The following SERINC5 variants were observed in gnomAD, a reference collection of about 807,000 sequenced individuals.
The protein encoded by SERINC5 is serine incorporator 5.
In SERINC5, 41 loss-of-function variants were observed where a neutral mutation model predicts 63.1. The observed-to-expected ratio is 0.65, with a 90% CI of 0.51 to 0.84. SERINC5 has a LOEUF of 0.84. SERINC5 is among the 40% of genes least tolerant of loss of function. SERINC5 has a pLI of 0.00. For synonymous variants in SERINC5, 222 were observed against 215.2 expected (o/e 1.03, Z -0.28); for missense variants, 523 against 573.0 (o/e 0.91, Z 0.89).
At chr5:80,172,151 G>A (rs942558751) in intron 5 of SERINC5, among the ~76,000 whole-genome samples, 6 of 152,108 alleles carry the variant, frequency 3.9e-5, no homozygotes, top group South Asian at 2.1e-4. Flanking sequence ...CCAACATGGC[G>A]AAACCCCATC....
intron 2 of SERINC5, among the ~76,000 whole-genome samples, chr5:80,197,363 G>GAGAGAGAA (rs1334177029): frequency 1.3e-5 from 1 of 75,384 alleles, no homozygotes; most frequent in Non-Finnish European, 2.8e-5. Flanking sequence ...GAGAGAGAGA[G>GAGAGAGAA]AACGGACCAG....
chr5:80,115,351 A>C (rs1210810986), intron 11 of SERINC5, among the ~76,000 whole-genome samples: 3 of 151,794 alleles, frequency 2.0e-5, no homozygotes, highest in Non-Finnish European at 4.4e-5. Flanking sequence ...TTGTCTCTCC[A>C]ATGACCTTAG....
At chr5:80,144,670 A>C (rs149668581) in intron 11 of SERINC5, among the ~76,000 whole-genome samples, 2 of 151,206 alleles carry the variant, frequency 1.3e-5, no homozygotes, top group African/African-American at 2.4e-5. Context: ...TGAAACCACC[A>C]CTCCCACCAC....
downstream of SERINC5, among the ~76,000 whole-genome samples, chr5:80,135,341 G>A (rs571932661): frequency 2.0e-5 from 3 of 152,202 alleles, no homozygotes; most frequent in African/African-American, 4.8e-5. Flanking sequence ...GCCCAATCAC[G>A]CTTTTTCAAA....
At chr5:80,251,255 G>A (rs1284269706) in intron 1 of SERINC5, among the ~76,000 whole-genome samples, 3 of 151,466 alleles carry the variant, frequency 2.0e-5, no homozygotes, top group African/African-American at 7.3e-5. Flanking sequence ...ATCCAGCCTG[G>A]GCAAGAGCTA....
chr5:80,188,282 CAAAAAAAAAAAAA>C (rs34863168), intron 2 of SERINC5, among the ~76,000 whole-genome samples: 4 of 82,790 alleles, frequency 4.8e-5, no homozygotes, highest in South Asian at 4.2e-4. Context: ...GACTCCGTCT[CAAAAAAAAAAAAA>C]AAAAAAAAAA....
chr5:80,172,053 AG>A (rs1182304860), intron 5 of SERINC5, among the ~76,000 whole-genome samples: 2 of 152,328 alleles, frequency 1.3e-5, no homozygotes, highest in Non-Finnish European at 2.9e-5. Context: ...AAAATAAATT[AG>A]GGCATGGTGG....
Position 80,203,022 on chromosome 5 carries a change from G to C in SERINC5, c.59C>G (p.Ser20Cys), listed in dbSNP as rs780936450. 8 of 1,612,082 alleles carry C rather than the reference G, an allele frequency of 5.0e-6. No homozygotes were observed. Among genetic ancestry groups the C allele is most frequent in the Middle Eastern group, 1.6e-4 (1 of 6,080 alleles). ...LACCCGSAGC[S>C]LCCDCCPRIR... Reference sequence around the variant, plus strand: ...CCTGGGGCAGCAATCACAGCAGAGAGAGCAGCCTGCAGACCCACAGCAGCA... The same window carrying C: ...CCTGGGGCAGCAATCACAGCAGAGACAGCAGCCTGCAGACCCACAGCAGCA... Residue 20 changes from serine (S) to cysteine (C), a missense_variant, in exon 2 of 12, where the codon TCT (serine) becomes TGT (cysteine). Ser to Cys is a moderately radical substitution (Grantham distance 112, BLOSUM62 -1). Coordinates refer to ENST00000507668, the MANE Select transcript of SERINC5 (RefSeq NM_001174072.3).
At chr5:80,133,655 C>T (rs1317576993) in intron 11 of SERINC5, among the ~76,000 whole-genome samples, 1 of 152,212 alleles carries the variant, frequency 6.6e-6, no homozygotes, top group East Asian at 1.9e-4. Context: ...ATCTAAGATG[C>T]TGTAACCGCC....
intron 1 of SERINC5, among the ~76,000 whole-genome samples, chr5:80,212,958 G>C (rs888202599): frequency 6.6e-6 from 1 of 152,128 alleles, no homozygotes; most frequent in South Asian, 2.1e-4. Flanking sequence ...AAAGCTTACT[G>C]AATCAGCCAG....
At chr5:80,153,178 CCGGG>C (rs1746296269) in intron 8 of SERINC5, among the ~76,000 whole-genome samples, 5 of 152,066 alleles carry the variant, frequency 3.3e-5, no homozygotes. Context: ...TATTCAGTTG[CCGGG>C]CGTGGTGGCT....
intron 2 of SERINC5, among the ~76,000 whole-genome samples, chr5:80,201,312 ATGGCATT>A (rs1249760441): frequency 8.5e-5 from 13 of 152,142 alleles, no homozygotes. Context: ...GTAAGGGGAA[ATGGCATT>A]TGGATAGCAA....
Position 80,158,880 on chromosome 5 carries a change from A to T in SERINC5, c.942T>A (p.Thr314=), listed in dbSNP as rs778278222. ...QDLYRDENLV[T]ILGTSLLIGC... is the part of the protein sequence containing the mutation. ...CGATTAAGAGGCTGGTCCCCAGTAT[A>T]GTCACCAAGTTTTCATCTCTGTACA... The change falls in exon 8 of 12, where the codon ACT becomes ACA. Residue 314 remains threonine (T), a synonymous_variant. Coordinates refer to ENST00000507668, the MANE Select transcript of SERINC5 (RefSeq NM_001174072.3). The T allele has an allele frequency of 6.2e-7, 1 of 1,613,750 alleles. No individual in the cohort carries two copies. The highest frequency in any genetic ancestry group is 1.7e-5 in the Admixed American group (1 of 60,020).
chr5:80,217,489 C>T (rs1180447189), intron 1 of SERINC5, among the ~76,000 whole-genome samples: 1 of 152,212 alleles, frequency 6.6e-6, no homozygotes, highest in Admixed American at 6.5e-5. Flanking sequence ...GCTCATTTCA[C>T]TGCTCTCAGA....
chr5:80,152,932 ACT>A (rs1746279199), intron 8 of SERINC5, among the ~76,000 whole-genome samples: 2 of 152,116 alleles, frequency 1.3e-5, no homozygotes, highest in African/African-American at 4.8e-5. Flanking sequence ...AGAAAGTGAG[ACT>A]CTGTCTCAAA....
intron 11 of SERINC5, among the ~76,000 whole-genome samples, chr5:80,127,020 C>G (rs1304646342): frequency 6.6e-6 from 1 of 152,190 alleles, no homozygotes; most frequent in Non-Finnish European, 1.5e-5. Flanking sequence ...ATCACAATCA[C>G]TTCTGTAAGT....
chr5:80,230,162 A>G (rs997786136), intron 1 of SERINC5, among the ~76,000 whole-genome samples: 25 of 152,102 alleles, frequency 1.6e-4, no homozygotes, highest in African/African-American at 5.1e-4. Flanking sequence ...CCATCACCCA[A>G]ACCTCACACC....
At chr5:80,115,673 A>G (rs1323599106) in intron 11 of SERINC5, among the ~76,000 whole-genome samples, 1 of 152,066 alleles carries the variant, frequency 6.6e-6, no homozygotes, top group South Asian at 2.1e-4. Flanking sequence ...GTTTACTGCA[A>G]AAAGACTGTA....
chr5:80,155,015 A>G (rs1404651012), intron 8 of SERINC5, among the ~76,000 whole-genome samples: 2 of 152,222 alleles, frequency 1.3e-5, no homozygotes, highest in African/African-American at 4.8e-5. Context: ...AGGAGCCTCA[A>G]GGAAAGGTTG....
Sources: gnomAD v4.1 joint callset for allele counts (sites outside exome capture counted in the v4.1 genomes callset) on GRCh38, gnomAD v4.1.1 for gene constraint, MANE v1.5 for transcripts, NCBI Gene and HGNC (gene_info 2026-07-23, HGNC 2026-07-21) for gene names.